HS2ST1: variants seen among roughly 807,000 people sequenced by gnomAD.
The protein encoded by HS2ST1 is 2-O-sulfotransferase.
In HS2ST1, 18 loss-of-function variants were observed where a neutral mutation model predicts 42.9. That is an observed-to-expected ratio of 0.42 (90% CI 0.29 to 0.62). HS2ST1 has a LOEUF of 0.62. HS2ST1 is among the 20% of genes least tolerant of loss of function. The pLI, the probability that HS2ST1 is intolerant of heterozygous loss-of-function variation, is 0.21. For missense variants in HS2ST1, 334 were observed against 433.8 expected, an observed-to-expected ratio of 0.77 and a Z score of 2.04; for synonymous variants, 146 against 152.9, an observed-to-expected ratio of 0.95 and a Z score of 0.33.
At chr1:86,945,445 ATAT>A (rs1158187915) in intron 1 of HS2ST1, among the ~76,000 whole-genome samples, 3 of 152,342 alleles carry the variant, frequency 2.0e-5, no homozygotes, top group East Asian at 1.9e-4. Flanking sequence ...TGTGTGGCAG[ATAT>A]TATTCTCTGA....
chr1:86,970,447 C>T (rs1007914072), intron 1 of HS2ST1, among the ~76,000 whole-genome samples: 55 of 152,082 alleles, frequency 3.6e-4, no homozygotes, highest in African/African-American at 1.3e-3. Context: ...GTTGCCCAGG[C>T]TGGAGTGCAG....
intron 1 of HS2ST1, among the ~76,000 whole-genome samples, chr1:87,054,104 A>G (rs969063977): frequency 6.6e-6 from 1 of 152,156 alleles, no homozygotes; most frequent in Admixed American, 6.5e-5. Context: ...TCTGAAACTG[A>G]TAATCCAAAT....
At chr1:87,021,043 C>G (rs1465866200) in intron 1 of HS2ST1, among the ~76,000 whole-genome samples, 2 of 152,142 alleles carry the variant, frequency 1.3e-5, no homozygotes, top group Non-Finnish European at 2.9e-5. Flanking sequence ...TTCTCCTATT[C>G]CAGACATTGG....
chr1:86,959,653 G>T (rs1422290375), intron 1 of HS2ST1, among the ~76,000 whole-genome samples: 1 of 151,870 alleles, frequency 6.6e-6, no homozygotes, highest in Non-Finnish European at 1.5e-5. Context: ...GCAAGACTTT[G>T]TCTCCAAAAA....
chr1:86,916,552 A>G (rs1364122193), intron 1 of HS2ST1, among the ~76,000 whole-genome samples: 2 of 152,200 alleles, frequency 1.3e-5, no homozygotes, highest in African/African-American at 4.8e-5. Context: ...GGAAAACTAG[A>G]GTTACTTCCA....
At chr1:86,989,435 A>T (rs1215424743) in intron 1 of HS2ST1, among the ~76,000 whole-genome samples, 2 of 152,234 alleles carry the variant, frequency 1.3e-5, no homozygotes, top group African/African-American at 4.8e-5. Flanking sequence ...CAATTTTTTT[A>T]AATCAACTAG....
chr1:87,042,975 C>T (rs1438716571), intron 1 of HS2ST1, among the ~76,000 whole-genome samples: 1 of 152,036 alleles, frequency 6.6e-6, no homozygotes. Context: ...TCATGGTAGC[C>T]ATTTAAAGTG....
chr1:86,992,360 T>C (rs1048454952), intron 1 of HS2ST1, among the ~76,000 whole-genome samples: 2 of 148,866 alleles, frequency 1.3e-5, no homozygotes, highest in African/African-American at 5.0e-5. Context: ...AATTTTCTCT[T>C]TCTTTTTTTT....
intron 1 of HS2ST1, among the ~76,000 whole-genome samples, chr1:86,921,079 G>A (rs1660282645): frequency 6.9e-6 from 1 of 144,552 alleles, no homozygotes; most frequent in Non-Finnish European, 1.5e-5. Flanking sequence ...ATACAGTTTT[G>A]TCAATTACAA....
At chr1:87,010,050 CAAAACA>C (rs1323221819) in intron 1 of HS2ST1, among the ~76,000 whole-genome samples, 8 of 35,316 alleles carry the variant, frequency 2.3e-4, no homozygotes, top group Admixed American at 7.3e-4. Flanking sequence ...CAAAACAAAA[CAAAACA>C]AAAAAAAAAA....
chr1:86,990,824 ATATATATATATATTTTTTT>A lies in HS2ST1; in HGVS notation c.124+75666_124+75684del, dbSNP rs1214398756. On this transcript the variant is annotated intron_variant, in intron 1 of 6. Transcript: ENST00000370550. ...TGCCTGGCTAATTTTATATATATATATATATATATATATTTTTTTTTTTTTTTTTTTTTTTAGTAGAGAT... is the reference window on the plus strand; with the variant it reads ...TGCCTGGCTAATTTTATATATATATATTTTTTTTTTTTTTTTAGTAGAGAT... Among the ~76,000 whole-genome samples, 15 of 16,770 alleles carry A rather than the reference ATATATATATATATTTTTTT, an allele frequency of 8.9e-4. 1 individual carries two copies. The highest frequency in any genetic ancestry group is 5.4e-3 in the East Asian group (1 of 186). 11.0% of individuals were successfully genotyped at this position (16,770 alleles called of 152,430 possible).
Position 87,104,495 on chromosome 1 carries a change from C to T in HS2ST1, c.870C>T (p.Thr290=). ...RTGKKSHLRK[T]TEKKLPTKQT... is the part of the protein sequence containing the mutation. The stretch of plus-strand genomic sequence containing the variant: ...GAAAGAAATCTCATCTTAGGAAAAC[C>T]ACAGAGAAGAAACTCCCCACTAAAC... The change falls in exon 7 of 7, where the codon ACC becomes ACT. Residue 290 remains threonine (T), a synonymous_variant. Transcript: ENST00000370550. 1 of 1,611,424 alleles carries T rather than the reference C, an allele frequency of 6.2e-7. No homozygotes were observed. The highest frequency in any genetic ancestry group is 8.5e-7 in the Non-Finnish European group (1 of 1,178,326).
At chr1:87,080,594 C>T (rs1651660494) in intron 2 of HS2ST1, among the ~76,000 whole-genome samples, 2 of 152,094 alleles carry the variant, frequency 1.3e-5, no homozygotes, top group Non-Finnish European at 2.9e-5. Context: ...CAAAAAAGCA[C>T]CCCCATAAGA....
chr1:86,963,157 T>G (rs1199191608), intron 1 of HS2ST1, among the ~76,000 whole-genome samples: 2 of 151,556 alleles, frequency 1.3e-5, no homozygotes, highest in Non-Finnish European at 2.9e-5. Context: ...TTAAATCTTT[T>G]TTTTTGTATT....
chr1:86,975,156 A>T (rs1297727167), intron 1 of HS2ST1, among the ~76,000 whole-genome samples: 1 of 152,134 alleles, frequency 6.6e-6, no homozygotes, highest in Non-Finnish European at 1.5e-5. Flanking sequence ...CTTCCAAAGT[A>T]CTCAAAGACT....
intron 1 of HS2ST1, among the ~76,000 whole-genome samples, chr1:86,993,603 G>A (rs1649019564): frequency 6.6e-6 from 1 of 151,916 alleles, no homozygotes. Flanking sequence ...GGATATATAG[G>A]GTTGAAAACA....
chr1:87,084,836 GTCACTCACTCACTCAC>G (rs66857719), intron 3 of HS2ST1, among the ~76,000 whole-genome samples: 4 of 143,054 alleles, frequency 2.8e-5, no homozygotes, highest in African/African-American at 5.2e-5. Flanking sequence ...CTCCCTCCCT[GTCACTCACTCACTCAC>G]TCACTCACTC....
At chr1:86,993,644 T>C in intron 1 of HS2ST1, among the ~76,000 whole-genome samples, 1 of 152,216 alleles carries the variant, frequency 6.6e-6, no homozygotes, top group Non-Finnish European at 1.5e-5. Flanking sequence ...TTTAGATTTT[T>C]AGTTGAGACA....
chr1:87,095,551 A>G (rs1570544940), intron 4 of HS2ST1, among the ~76,000 whole-genome samples: 1 of 152,204 alleles, frequency 6.6e-6, no homozygotes, highest in Admixed American at 6.5e-5. Flanking sequence ...TGCATATTTT[A>G]GAACTAGAGT....
Sources: allele counts gnomAD v4.1 joint callset (sites outside exome capture counted in the v4.1 genomes callset), GRCh38; gene constraint gnomAD v4.1.1; transcripts MANE v1.5; gene names NCBI Gene and HGNC (gene_info 2026-07-23, HGNC 2026-07-21).